PAH: variants seen among roughly 807,000 people sequenced by gnomAD.
The protein encoded by PAH is phenylalanine-4-hydroxylase.
PAH carries 64 observed loss-of-function variants against 62.0 expected under a neutral mutation model. That is an observed-to-expected ratio of 1.03 (90% confidence interval 0.84 to 1.27). The LOEUF (loss-of-function observed/expected upper bound fraction) is 1.27, where lower values mean the gene tolerates loss of function less well. Among genes scored for constraint, PAH ranks in the 50% most tolerant of loss-of-function variants. The pLI is 0.00. For missense variants in PAH, 579 were observed against 542.8 expected (o/e 1.07, Z -0.66); for synonymous variants, 195 against 196.2 (o/e 0.99, Z 0.05).
chr12:102,940,765 C>G (rs187392690), intron 1 of PAH, among the ~76,000 whole-genome samples: 1 of 152,132 alleles, frequency 6.6e-6, no homozygotes, highest in Non-Finnish European at 1.5e-5. Flanking sequence ...ATATCGTCCA[C>G]AAAAATTTTC....
Position 102,957,654 on chromosome 12 carries a change from C to T in PAH, c.-96+541G>A. On this transcript the variant is annotated intron_variant, in intron 1 of 4. Transcript: ENST00000551337. This position sits in a 1 kb window ranked among gnomAD's most constrained non-coding sequence, Gnocchi z 4.1. ...GGGGCTGGGTGTCCCATTGAAAAGG[C>T]GGACGCACTCCGGCAGCCCAGCACT... 1 of 152,438 alleles carries T rather than the reference C, an allele frequency of 6.6e-6. No individual in the cohort carries two copies. The highest frequency in any genetic ancestry group is 1.9e-4 in the East Asian group (1 of 5,170). 9.4% of individuals were successfully genotyped at this position (152,438 alleles called of 1,614,324 possible). A position where few individuals can be genotyped will look rare whatever the true frequency, so the allele number is the denominator to read the frequency against.
At chr12:102,907,008 A>G (rs377243818) in intron 2 of PAH, among the ~76,000 whole-genome samples, 2 of 152,196 alleles carry the variant, frequency 1.3e-5, no homozygotes, top group East Asian at 3.9e-4. Context: ...GATAGAGGAG[A>G]GATGAGAAAA....
intron 3 of PAH, among the ~76,000 whole-genome samples, chr12:102,884,275 G>C (rs61942039): frequency 0.18 from 27,482 of 152,236 alleles, 2,851 homozygotes; most frequent in Admixed American, 0.34. Context: ...CCTGGGTGCT[G>C]GGTGTTGGGG....
intron 1 of PAH, chr12:102,946,016 G>C (rs937201006): frequency 6.6e-6 from 1 of 152,310 alleles, no homozygotes; most frequent in Non-Finnish European, 1.5e-5. Context: ...AGGTAGTGGG[G>C]TCTCTTCTGT....
rs1875236425 is a variant in PAH, at chr12:102,852,892, C to T, written c.765G>A (p.Leu255=). 6.2e-7 allele frequency: 1 copy of T among 1,613,908 alleles called. No individual in the cohort carries two copies. Among genetic ancestry groups the T allele is most frequent in the Non-Finnish European group, 8.5e-7 (1 of 1,179,994 alleles). Residue 255 remains leucine (L), a synonymous_variant, in exon 7 of 13, where the codon TTG becomes TTA. Coordinates refer to ENST00000553106, the MANE Select transcript of PAH (RefSeq NM_000277.3). ...VAGLLSSRDF[L]GGLAFRVFHC... ...GGAAGACTCGGAAGGCCAGGCCACC[C>T]AAGAAATCCCGAGAGGAAAGCAGGC...
rs903378755 is a variant in PAH at position 102,957,925 on chromosome 12, A to G, written c.-96+270T>C. The G allele has an allele frequency of 2.3e-5, 6 of 259,090 alleles. No individual in the cohort carries two copies. The highest frequency in any genetic ancestry group is 5.4e-5 in the Admixed American group (1 of 18,408). 16.0% of individuals were successfully genotyped at this position (259,090 alleles called of 1,614,324 possible). ...GCTTCTGCTTTTTTTTTTCTTAGAA[A>G]CAAGAAGGCGCCAGCGGCAGCCTCA... On this transcript the variant is annotated intron_variant, in intron 1 of 4. Coordinates refer to the PAH transcript ENST00000551337. This position sits in a 1 kb window ranked among gnomAD's most constrained non-coding sequence, Gnocchi z 4.1.
rs1874694173 is a variant in PAH at position 102,843,721 on chromosome 12, T to C, written c.1124A>G (p.Gln375Arg). The C allele has an allele frequency of 6.2e-7, 1 of 1,613,718 alleles. No homozygotes were observed. Among genetic ancestry groups the C allele is most frequent in the Non-Finnish European group, 8.5e-7 (1 of 1,179,810 alleles). ...LPLELEKTAI[Q>R]NYTVTEFQPL... ...CTGGAACTCCGTGACAGTGTAATTT[T>C]GGATGGCTGTCTTCTCCAGCTCCAG... Residue 375 changes from glutamine (Q) to arginine (R), a missense_variant, in exon 11 of 13, where the codon CAA becomes CGA. Gln to Arg is a conservative substitution (Grantham distance 43). Coordinates refer to ENST00000553106, the MANE Select transcript of PAH (RefSeq NM_000277.3).
Position 102,852,885 on chromosome 12 carries a change from G to A in PAH, c.772C>T (p.Leu258=), listed in dbSNP as rs75065106. 4.6e-4 allele frequency: 746 copies of A among 1,614,098 alleles called. 2 individuals carry two copies. In the African/African-American group the frequency reaches 9.0e-3, roughly 19 times the overall value. The change falls in exon 7 of 13, where the codon CTG becomes TTG. Residue 258 remains leucine (L), a synonymous_variant. Coordinates refer to ENST00000553106, the MANE Select transcript of PAH (RefSeq NM_000277.3). The stretch of plus-strand genomic sequence containing the variant: ...GTGCAGTGGAAGACTCGGAAGGCCA[G>A]GCCACCCAAGAAATCCCGAGAGGAA... ...LLSSRDFLGG[L]AFRVFHCTQY...
chr12:102,851,063 TG>T (rs1875123818), intron 8 of PAH, among the ~76,000 whole-genome samples: 1 of 144,640 alleles, frequency 6.9e-6, no homozygotes, highest in Non-Finnish European at 1.5e-5. Context: ...CAGTCCAGCC[TG>T]GGTGACAGAG....
At chr12:102,925,249 G>T (rs1460836713) in intron 1 of PAH, among the ~76,000 whole-genome samples, 1 of 152,150 alleles carries the variant, frequency 6.6e-6, no homozygotes, top group African/African-American at 2.4e-5. Flanking sequence ...TTGCAGGATG[G>T]AATGCAGATA....
intron 3 of PAH, among the ~76,000 whole-genome samples, chr12:102,891,062 C>T (rs755501219): frequency 3.1e-4 from 47 of 152,038 alleles, no homozygotes; most frequent in Non-Finnish European, 5.9e-4. Context: ...CCAGCCTGGG[C>T]GACAGAGTGA....
At chr12:102,947,908 G>T (rs1275829873) in intron 1 of PAH, among the ~76,000 whole-genome samples, 1 of 152,124 alleles carries the variant, frequency 6.6e-6, no homozygotes, top group Non-Finnish European at 1.5e-5. Flanking sequence ...AAAGTTAGGA[G>T]AAGACTAGTG....
intron 11 of PAH, 147 bp from the exon 12 acceptor site, chr12:102,840,662 G>A (rs1350768827): frequency 2.9e-6 from 2 of 692,980 alleles, no homozygotes; most frequent in East Asian, 2.7e-5. Flanking sequence ...TGAGGCGGGG[G>A]GAATGGAGTT....
At chr12:102,863,845 A>G (rs998798897) in intron 5 of PAH, among the ~76,000 whole-genome samples, 9 of 152,118 alleles carry the variant, frequency 5.9e-5, no homozygotes, top group Non-Finnish European at 1.2e-4. Flanking sequence ...ATAAGCTCCT[A>G]TGATCCGTTT....
chr12:102,873,787 G>A (rs1350987160), intron 4 of PAH, among the ~76,000 whole-genome samples: 2 of 152,164 alleles, frequency 1.3e-5, no homozygotes, highest in Non-Finnish European at 2.9e-5. Context: ...GGGTAAGTAA[G>A]TTTTAGGAAA....
At chr12:102,904,704 G>C in intron 2 of PAH, 1 of 495,018 alleles carries the variant, frequency 2.0e-6, no homozygotes, top group South Asian at 1.5e-5. Context: ...ATAGGGTCCA[G>C]AAATGTGTTG....
At chr12:102,910,187 C>T (rs917036098) in intron 2 of PAH, among the ~76,000 whole-genome samples, 4 of 151,992 alleles carry the variant, frequency 2.6e-5, no homozygotes, top group Non-Finnish European at 4.4e-5. Flanking sequence ...ATGCTGAGCA[C>T]GCAAGGAAGT....
intron 1 of PAH, among the ~76,000 whole-genome samples, chr12:102,943,454 T>C (rs970219848): frequency 6.6e-6 from 1 of 152,098 alleles, no homozygotes; most frequent in Non-Finnish European, 1.5e-5. Context: ...AAAGGATATG[T>C]TCATACACTG....
rs1282987874 is a variant in PAH, at chr12:102,934,669, T to G, written c.-96+15920A>C. ...AGGTTAACTCCTAGGTATTTTATTT[T>G]ATTTGTGGATATTGTAAATGGGATT... is the stretch of plus-strand genomic sequence containing the variant. On this transcript the variant is annotated intron_variant, in intron 1 of 3. Transcript: ENST00000546844. 3.3e-5 allele frequency among the ~76,000 whole-genome samples: 5 copies of G among 152,244 alleles called. No homozygotes were observed. In the East Asian group the frequency reaches 9.6e-4, roughly 29 times the overall value.
Sources: allele counts gnomAD v4.1 joint callset (sites outside exome capture counted in the v4.1 genomes callset), GRCh38; gene constraint gnomAD v4.1.1; non-coding constraint Gnocchi (gnomAD v3.1); transcripts MANE v1.5; gene names NCBI Gene and HGNC (gene_info 2026-07-23, HGNC 2026-07-21).